The following ADCY9 variants were observed in gnomAD, a reference collection of about 807,000 sequenced individuals.
ADCY9 encodes adenylate cyclase type 9.
In ADCY9, 50 loss-of-function variants were observed where a neutral mutation model predicts 101.5. That is an observed-to-expected ratio of 0.49 (90% CI 0.39 to 0.62). ADCY9 has a LOEUF of 0.62. Ranked by LOEUF, ADCY9 falls within the 20% of genes least tolerant of loss-of-function variation. The pLI is 0.00. For synonymous variants in ADCY9, 905 were observed against 769.3 expected (o/e 1.18, Z -2.92); for missense variants, 1,662 against 1,800.4 (o/e 0.92, Z 1.39).
intron 6 of ADCY9, among the ~76,000 whole-genome samples, chr16:3,984,553 G>A (rs1453172308): frequency 6.6e-6 from 1 of 152,158 alleles, no homozygotes; most frequent in East Asian, 1.9e-4. Flanking sequence ...CAGATTGGGA[G>A]GCCAAGGCCA....
chr16:4,038,288 A>AG (rs1449339547), intron 2 of ADCY9, among the ~76,000 whole-genome samples: 1 of 151,830 alleles, frequency 6.6e-6, no homozygotes, highest in Non-Finnish European at 1.5e-5. Context: ...CTCAAAAAAA[A>AG]AAAAAAAGGC....
At chr16:4,008,036 C>G (rs958064959) in intron 2 of ADCY9, among the ~76,000 whole-genome samples, 2 of 151,984 alleles carry the variant, frequency 1.3e-5, no homozygotes, top group African/African-American at 4.8e-5. Context: ...AAAACTACCC[C>G]GAAAAACAAG....
chr16:4,083,222 C>A (rs1290899308), intron 2 of ADCY9, among the ~76,000 whole-genome samples: 2 of 152,150 alleles, frequency 1.3e-5, no homozygotes, highest in Non-Finnish European at 2.9e-5. Flanking sequence ...ACCATCTTAA[C>A]CAATATAACA....
chr16:4,080,067 A>G (rs1473074593), intron 2 of ADCY9, among the ~76,000 whole-genome samples: 1 of 152,184 alleles, frequency 6.6e-6, no homozygotes, highest in Non-Finnish European at 1.5e-5. Flanking sequence ...CAAACAGGAA[A>G]TGATTAAACT....
At chr16:4,039,357 T>C (rs947710624) in intron 2 of ADCY9, among the ~76,000 whole-genome samples, 1 of 152,162 alleles carries the variant, frequency 6.6e-6, no homozygotes, top group African/African-American at 2.4e-5. Context: ...TTTTAAGTGT[T>C]CCAACGACAC....
At chr16:3,991,310 A>G (rs1184964903) in intron 5 of ADCY9, among the ~76,000 whole-genome samples, 4 of 152,212 alleles carry the variant, frequency 2.6e-5, no homozygotes, top group Admixed American at 2.0e-4. Context: ...AGTATCACTA[A>G]TGAGGAACAG....
chr16:3,974,087 G>A (rs1373493590), intron 10 of ADCY9, among the ~76,000 whole-genome samples: 2 of 152,170 alleles, frequency 1.3e-5, no homozygotes, highest in East Asian at 3.9e-4. Context: ...TGTCACCCAG[G>A]CTGGAGTGCA....
Position 3,977,387 on chromosome 16 carries a change from C to T in ADCY9, c.2828+95G>A, listed in dbSNP as rs541835290. ...ATGATGGGAAATATCTCTATCGGGG[C>T]GTGAGAAGCAATGTGCAAATGCAGC... On this transcript the variant is annotated intron_variant, in intron 9 of 10. Transcript: ENST00000294016. The T allele has an allele frequency of 3.0e-5, 43 of 1,444,730 alleles. No homozygotes were observed. The East Asian group carries it at 5.5e-4, about 18-fold the overall frequency. The allele number at this position is 1,444,730 out of a possible 1,614,324, so 89.5% of individuals were successfully genotyped here.
chr16:4,070,964 T>C (rs1008639721), intron 2 of ADCY9, among the ~76,000 whole-genome samples: 3 of 151,656 alleles, frequency 2.0e-5, no homozygotes, highest in Non-Finnish European at 4.4e-5. Context: ...AAAATAATAA[T>C]AATAATAAAA....
At chr16:4,014,165 A>G (rs948437528) in intron 2 of ADCY9, among the ~76,000 whole-genome samples, 3 of 152,140 alleles carry the variant, frequency 2.0e-5, no homozygotes, top group South Asian at 2.1e-4. Context: ...CTAAAAATAC[A>G]AAAATTAACT....
rs187669959 is a variant in ADCY9 at position 4,053,088 on chromosome 16, C to T, written c.1694-45530G>A. ...GATGTTTTGACATGTCACACGTAAA[C>T]GATAGTAAACATGTCTTGGAAGAGG... is the stretch of plus-strand genomic sequence containing the variant. On this transcript the variant is annotated intron_variant, in intron 2 of 10. Coordinates refer to ENST00000294016, the MANE Select transcript of ADCY9 (RefSeq NM_001116.4). 1.8e-3 allele frequency among the ~76,000 whole-genome samples: 270 copies of T among 152,228 alleles called. 1 individual carries two copies. In the East Asian group the frequency reaches 0.021, roughly 12 times the overall value.
intron 2 of ADCY9, among the ~76,000 whole-genome samples, chr16:4,054,497 CCTT>C (rs775276262): frequency 2.0e-5 from 3 of 152,262 alleles, no homozygotes; most frequent in Non-Finnish European, 2.9e-5. Context: ...ATTTCGCAAA[CCTT>C]CTTGCTGGAG....
In ADCY9 at chr16:3,998,572, G is replaced by T. The variant is rs764743264; in HGVS notation, c.1885-5062C>A. 2.0e-5 allele frequency among the ~76,000 whole-genome samples: 3 copies of T among 151,622 alleles called. No homozygotes were observed. The South Asian group carries it at 6.2e-4, about 32-fold the overall frequency. On this transcript the variant is annotated intron_variant, in intron 3 of 10. Transcript: ENST00000294016. ...AAAATACAAAAAATTAGCCTGGCGT[G>T]GTGGTGCACACCTGTAGTTTCAGCT...
In ADCY9 at chr16:4,115,318, T is replaced by G; in HGVS notation, c.125A>C (p.His42Pro). 1 of 1,613,628 alleles carries G rather than the reference T, an allele frequency of 6.2e-7. No homozygotes were observed. ...GATGCTGTATTTGCAGTGCTTGGGGTGGCTGTTGGAGGACAGCTGCTTGGG... is the reference window on the plus strand; with the variant it reads ...GATGCTGTATTTGCAGTGCTTGGGGGGGCTGTTGGAGGACAGCTGCTTGGG... ...INPKQLSSNS[H>P]PKHCKYSISS... The change falls in exon 2 of 11, where the codon CAC becomes CCC. Residue 42 changes from histidine (H) to proline (P), a missense_variant. Transcript: ENST00000294016. The surrounding 1 kb of genome is among the most constrained non-coding windows in gnomAD (Gnocchi z 6.2).
intron 9 of ADCY9, 151 bp downstream of exon 9, chr16:3,977,331 G>T: frequency 4.1e-6 from 4 of 979,406 alleles, no homozygotes; most frequent in Non-Finnish European, 5.9e-6. Flanking sequence ...TAGCTCTTTG[G>T]TATGATGTGT....
intron 2 of ADCY9, among the ~76,000 whole-genome samples, chr16:4,063,538 G>T (rs2056784207): frequency 6.6e-6 from 1 of 152,032 alleles, no homozygotes; most frequent in Non-Finnish European, 1.5e-5. Flanking sequence ...GTGAGACCCT[G>T]TGTCTACAAA....
intron 2 of ADCY9, among the ~76,000 whole-genome samples, chr16:4,083,469 C>T (rs1483598943): frequency 6.6e-6 from 1 of 152,124 alleles, no homozygotes; most frequent in East Asian, 1.9e-4. Flanking sequence ...AAAAGTTAAA[C>T]AGAGTTACCA....
At chr16:4,101,933 C>T (rs192690458) in intron 2 of ADCY9, among the ~76,000 whole-genome samples, 2 of 152,212 alleles carry the variant, frequency 1.3e-5, no homozygotes, top group Non-Finnish European at 2.9e-5. Flanking sequence ...CTGCCAAGTT[C>T]GGCAGCTAGA....
At chr16:4,033,326 A>G (rs1423020164) in intron 2 of ADCY9, among the ~76,000 whole-genome samples, 5 of 152,156 alleles carry the variant, frequency 3.3e-5, no homozygotes, top group Non-Finnish European at 5.9e-5. Flanking sequence ...CCGTAGATTC[A>G]CGTAATACTG....
Sources: allele counts gnomAD v4.1 joint callset (sites outside exome capture counted in the v4.1 genomes callset), GRCh38; gene constraint gnomAD v4.1.1; non-coding constraint Gnocchi (gnomAD v3.1); transcripts MANE v1.5; gene names NCBI Gene and HGNC (gene_info 2026-07-23, HGNC 2026-07-21).